Variants in PCDHGB1 observed in about 807,000 individuals in gnomAD.
PCDHGB1 encodes the protein protocadherin gamma-B1.
In PCDHGB1, 34 loss-of-function variants were observed where a neutral mutation model predicts 56.6. The observed-to-expected ratio is 0.60, with a 90% CI of 0.46 to 0.80. PCDHGB1 has a LOEUF of 0.80. Ranked by LOEUF, PCDHGB1 falls within the 30% of genes least tolerant of loss-of-function variation. The probability of loss-of-function intolerance (pLI) is 0.00; values close to 1 mark genes in which losing one functional copy is unlikely to be tolerated. For synonymous variants in PCDHGB1, 561 were observed against 505.9 expected (o/e 1.11, Z -1.46); for missense variants, 1,278 against 1,204.6 (o/e 1.06, Z -0.90).
chr5:141,477,808 C>T lies in PCDHGB1; in HGVS notation c.2410-16999C>T, dbSNP rs750186099. 2.5e-6 allele frequency: 4 copies of T among 1,613,994 alleles called. No individual in the cohort carries two copies. In the African/African-American group the frequency reaches 4.0e-5, roughly 16 times the overall value. On this transcript the variant is annotated intron_variant, in intron 1 of 3. Coordinates refer to ENST00000523390, the MANE Select transcript of PCDHGB1 (RefSeq NM_018922.3). The surrounding 1 kb of genome is among the most constrained non-coding windows in gnomAD (Gnocchi z 4.9). ...TTGTCACTGATCGCAATGACAATGC[C>T]CCCCAGGTCCTATATCCTCGGCCAG...
rs542816387 is a variant in PCDHGB1, at chr5:141,394,624, T to G, written c.2409+41955T>G. ...AGAGACTCGGGCCAGAACGCCTGGC[T>G]GTCCTACCGCCTGCTCAAGGCCAGC... On this transcript the variant is annotated intron_variant, in intron 1 of 3. Transcript: ENST00000523390. 2.5e-6 allele frequency: 4 copies of G among 1,613,110 alleles called. No individual in the cohort carries two copies. The South Asian group carries it at 3.3e-5, about 13-fold the overall frequency.
chr5:141,404,214 C>T lies in PCDHGB1; in HGVS notation c.2409+51545C>T, dbSNP rs1169013129. On this transcript the variant is annotated intron_variant, in intron 1 of 3. Coordinates refer to ENST00000523390, the MANE Select transcript of PCDHGB1 (RefSeq NM_018922.3). ...GAAAAAGCCTCAGAATATAATATCA[C>T]GGTGACTGCAACAGACAGAGGAACT... 11 of 1,613,562 alleles carry T rather than the reference C, an allele frequency of 6.8e-6. No individual in the cohort carries two copies. In the Admixed American group the frequency reaches 1.3e-4, roughly 20 times the overall value.
At chr5:141,394,224 A>G (rs375614946) in intron 1 of PCDHGB1, 380 of 1,613,788 alleles carry the variant, frequency 2.4e-4, no homozygotes, top group Middle Eastern at 1.3e-3. Context: ...AGGAGCCTCC[A>G]TCTTTTCCTT....
chr5:141,431,884 T>A lies in PCDHGB1; in HGVS notation c.2410-62923T>A. ...CCCTTTTAAATGTAAATGACCAAGA[T>A]TCTGAGGAAAACGGACAGGTGATCT... On this transcript the variant is annotated intron_variant, in intron 1 of 3. Transcript: ENST00000523390. This position sits in a 1 kb window ranked among gnomAD's most constrained non-coding sequence, Gnocchi z 4.8. 1.2e-6 allele frequency: 2 copies of A among 1,614,218 alleles called. No individual in the cohort carries two copies. Among genetic ancestry groups the A allele is most frequent in the Non-Finnish European group, 1.7e-6 (2 of 1,180,008 alleles).
intron 1 of PCDHGB1, chr5:141,410,343 G>C: frequency 6.2e-7 from 1 of 1,613,964 alleles, no homozygotes; most frequent in Non-Finnish European, 8.5e-7. Flanking sequence ...ATTGCCTTGC[G>C]CCTGCGACGC....
At chr5:141,443,029 C>T (rs1281303741) in intron 1 of PCDHGB1, among the ~76,000 whole-genome samples, 3 of 152,192 alleles carry the variant, frequency 2.0e-5, no homozygotes, top group Non-Finnish European at 2.9e-5. Flanking sequence ...AGTTGCCAGA[C>T]CTAAACTTTG....
intron 1 of PCDHGB1, among the ~76,000 whole-genome samples, chr5:141,468,747 T>A (rs2099176715): frequency 6.6e-6 from 1 of 151,990 alleles, no homozygotes; most frequent in South Asian, 2.1e-4. Context: ...GTGCCTGTAG[T>A]CCCAGCTACT....
At chr5:141,468,739 G>A (rs1167211344) in intron 1 of PCDHGB1, among the ~76,000 whole-genome samples, 5 of 152,000 alleles carry the variant, frequency 3.3e-5, no homozygotes, top group African/African-American at 1.2e-4. Context: ...GGTGGCGGGT[G>A]CCTGTAGTCC....
At chr5:141,392,946 G>C (rs1175467046) in intron 1 of PCDHGB1, 11 of 1,613,940 alleles carry the variant, frequency 6.8e-6, no homozygotes, top group Non-Finnish European at 9.3e-6. Flanking sequence ...AGGCTCCTTC[G>C]TGGGTAATAT....
chr5:141,498,971 GGGAAGGAAGGAAGGAAGGAAGGAAGGAA>G (rs201769957), intron 2 of PCDHGB1, among the ~76,000 whole-genome samples: 8 of 111,052 alleles, frequency 7.2e-5, no homozygotes, highest in South Asian at 3.8e-4. Flanking sequence ...GAGGGAGGGA[GGGAAGGAAGGAAGGAAGGAAGGAAGGAA>G]GGAAGGAAGG....
At chr5:141,356,781 C>T (rs1283298269) in intron 1 of PCDHGB1, 7 of 1,613,876 alleles carry the variant, frequency 4.3e-6, no homozygotes, top group East Asian at 4.5e-5. Context: ...AGTTTAGAGA[C>T]CTGCAGCTGC....
chr5:141,511,144 A>C lies in PCDHGB1; in HGVS notation c.2755A>C (p.Lys919Gln). 2 of 1,614,202 alleles carry C rather than the reference A, an allele frequency of 1.2e-6. No homozygotes were observed. The highest frequency in any genetic ancestry group is 1.7e-6 in the Non-Finnish European group (2 of 1,180,016). The change falls in exon 4 of 4, where the codon AAG becomes CAG. Residue 919 changes from lysine to glutamine, a missense_variant. By Grantham distance (53) the Lys-to-Gln change is moderately conservative. Transcript: ENST00000523390. Reference sequence around the variant, plus strand: ...CCCAGCAGGTGGCAATGGCAACAAGAAGAAGTCGGGCAAGAAGGAGAAGAA... The same window carrying C: ...CCCAGCAGGTGGCAATGGCAACAAGCAGAAGTCGGGCAAGAAGGAGAAGAA... ...KAPAGGNGNK[K>Q]KSGKKEKK
At chr5:141,447,576 A>G (rs758449068) in intron 1 of PCDHGB1, among the ~76,000 whole-genome samples, 6 of 152,214 alleles carry the variant, frequency 3.9e-5, no homozygotes, top group African/African-American at 7.2e-5. Context: ...CTATGTCCAC[A>G]CATACCTTAA....
rs1758984198 is a variant in PCDHGB1 at position 141,352,337 on chromosome 5, G to A, written c.2077G>A (p.Ala693Thr). ...GCAGTTTTACCTGGTTGTGGCCTTGGCCTTGATCTCAGTGCTCTTTCTCCT... is the reference window on the plus strand; with the variant it reads ...GCAGTTTTACCTGGTTGTGGCCTTGACCTTGATCTCAGTGCTCTTTCTCCT... ...ELQFYLVVAL[A>T]LISVLFLLAV... Residue 693 changes from alanine (A) to threonine (T), a missense_variant, in exon 1 of 4, where the codon GCC (alanine) becomes ACC (threonine). Transcript: ENST00000523390. 4 of 1,613,934 alleles carry A rather than the reference G, an allele frequency of 2.5e-6. No homozygotes were observed. The highest frequency in any genetic ancestry group is 2.7e-5 in the African/African-American group (2 of 74,950).
intron 2 of PCDHGB1, among the ~76,000 whole-genome samples, chr5:141,500,775 T>C (rs1251282826): frequency 6.6e-6 from 1 of 152,218 alleles, no homozygotes; most frequent in Non-Finnish European, 1.5e-5. Context: ...CTTATGAATA[T>C]ACATATTATT....
chr5:141,422,959 C>T, intron 1 of PCDHGB1: 5 of 1,614,234 alleles, frequency 3.1e-6, no homozygotes, highest in African/African-American at 1.3e-5. Flanking sequence ...TGGCGTGGAG[C>T]TGGCGCCCCG....
At chr5:141,380,405 G>A (rs1258156706) in intron 1 of PCDHGB1, among the ~76,000 whole-genome samples, 2 of 152,114 alleles carry the variant, frequency 1.3e-5, no homozygotes, top group African/African-American at 4.8e-5. Flanking sequence ...TAATCAATTC[G>A]ATGCCCAGGA....
intron 1 of PCDHGB1, among the ~76,000 whole-genome samples, chr5:141,472,001 G>A (rs992798148): frequency 1.1e-4 from 17 of 152,022 alleles, no homozygotes; most frequent in East Asian, 3.9e-4. Context: ...TCCCTGCATC[G>A]TATAGGGGCA....
chr5:141,350,143 G>C lies in PCDHGB1; in HGVS notation c.-118G>C, dbSNP rs189392014. ...TGCACTGAGCACAGACGCTGCTCCT[G>C]TTCACCCTCGAGCGCCTAACTAATA... On this transcript the variant is annotated 5_prime_UTR_variant, in exon 1 of 4. Transcript: ENST00000523390. The C allele has an allele frequency of 4.3e-5, 37 of 857,550 alleles. 1 individual carries two copies. The Admixed American group carries it at 9.7e-4, about 22-fold the overall frequency. The allele number at this position is 857,550 out of a possible 1,614,324, so 53.1% of individuals were successfully genotyped here. A position where few individuals can be genotyped will look rare whatever the true frequency, so the allele number is the denominator to read the frequency against.
Sources: gnomAD v4.1 joint callset for allele counts (sites outside exome capture counted in the v4.1 genomes callset) on GRCh38, gnomAD v4.1.1 for gene constraint, Gnocchi (gnomAD v3.1) non-coding constraint, MANE v1.5 for transcripts, NCBI Gene and HGNC (gene_info 2026-07-23, HGNC 2026-07-21) for gene names.